CPVL: variants seen among roughly 807,000 people sequenced by gnomAD.
CPVL encodes carboxypeptidase vitellogenic like.
A neutral mutation model predicts 63.7 loss-of-function variants in CPVL; 51 were observed. The observed-to-expected ratio is 0.80, with a 90% confidence interval of 0.64 to 1.01. The LOEUF (loss-of-function observed/expected upper bound fraction) is 1.01. Ranked by LOEUF, CPVL falls within the 50% of genes least tolerant of loss-of-function variation. CPVL has a pLI of 0.00. For synonymous variants in CPVL, 195 were observed against 206.0 expected (o/e 0.95, Z 0.46); for missense variants, 530 against 573.1 (o/e 0.92, Z 0.77).
intron 3 of CPVL, among the ~76,000 whole-genome samples, chr7:29,105,454 C>G (rs1787630348): frequency 6.6e-6 from 1 of 152,146 alleles, no homozygotes; most frequent in Non-Finnish European, 1.5e-5. Flanking sequence ...ATGAGGGAAT[C>G]CTGTGGTCTC....
intron 1 of CPVL, among the ~76,000 whole-genome samples, chr7:29,142,618 C>T (rs879725107): frequency 2.0e-5 from 3 of 150,354 alleles, no homozygotes; most frequent in South Asian, 2.1e-4. Context: ...CCTCTGCTGC[C>T]GGGTTGCAGC....
intron 6 of CPVL, among the ~76,000 whole-genome samples, chr7:29,089,764 C>T (rs571571322): frequency 2.2e-4 from 34 of 152,236 alleles, no homozygotes; most frequent in African/African-American, 7.0e-4. Context: ...AGCTGCTACT[C>T]GGACTAGGCA....
intron 11 of CPVL, among the ~76,000 whole-genome samples, chr7:29,043,147 G>A (rs1462636616): frequency 6.6e-6 from 1 of 152,030 alleles, no homozygotes; most frequent in Non-Finnish European, 1.5e-5. Flanking sequence ...CCCCTCCCTG[G>A]TAGATAGCAA....
At chr7:29,173,864 A>C (rs752865630) in intron 5 of CPVL, among the ~76,000 whole-genome samples, 2 of 151,408 alleles carry the variant, frequency 1.3e-5, no homozygotes, top group Non-Finnish European at 2.9e-5. Context: ...AGGCACTAGA[A>C]TTACTTGGAC....
At chr7:29,190,539 CCAT>C (rs1782757013) in intron 1 of CPVL, among the ~76,000 whole-genome samples, 3 of 152,130 alleles carry the variant, frequency 2.0e-5, no homozygotes, top group African/African-American at 7.2e-5. Context: ...AATTACACCA[CCAT>C]AAGAGCTACC....
At position 29,120,884 on chromosome 7, in the gene CPVL, C is replaced by G; in HGVS notation, c.169+9G>C. ...CCAGTGGTTTTCTGATTTAATTAAA[C>G]TTACTTACCTTTTTGGATCTTCCCA... On this transcript the variant is annotated intron_variant, in intron 2 of 12. Coordinates refer to ENST00000265394, the MANE Select transcript of CPVL (RefSeq NM_031311.5). 1.3e-6 allele frequency: 2 copies of G among 1,489,766 alleles called. No homozygotes were observed. Among genetic ancestry groups the G allele is most frequent in the African/African-American group, 1.4e-5 (1 of 70,546 alleles). 92.3% of individuals were successfully genotyped at this position (1,489,766 alleles called of 1,614,324 possible).
intron 1 of CPVL, among the ~76,000 whole-genome samples, chr7:29,128,558 A>G (rs1790322208): frequency 6.6e-6 from 1 of 151,978 alleles, no homozygotes; most frequent in Non-Finnish European, 1.5e-5. Flanking sequence ...TCTATTAAAA[A>G]TACAAAAATT....
At chr7:29,156,707 C>A (rs774949558) in intron 5 of CPVL, among the ~76,000 whole-genome samples, 1 of 152,062 alleles carries the variant, frequency 6.6e-6, no homozygotes, top group Non-Finnish European at 1.5e-5. Flanking sequence ...AGTATGAAAG[C>A]GACTATGTAT....
At chr7:29,101,700 A>T (rs910850748) in intron 3 of CPVL, among the ~76,000 whole-genome samples, 5 of 152,132 alleles carry the variant, frequency 3.3e-5, no homozygotes, top group African/African-American at 9.7e-5. Context: ...GGTATTTTTA[A>T]CAGCCCCTCT....
intron 3 of CPVL, among the ~76,000 whole-genome samples, chr7:29,098,578 C>T (rs1396726435): frequency 6.6e-6 from 1 of 152,096 alleles, no homozygotes; most frequent in Non-Finnish European, 1.5e-5. Flanking sequence ...TGGTAGAAGC[C>T]AAGAGTCCGA....
intron 5 of CPVL, among the ~76,000 whole-genome samples, chr7:29,152,048 G>T (rs1793667338): frequency 2.0e-5 from 3 of 152,122 alleles, no homozygotes; most frequent in South Asian, 4.1e-4. Flanking sequence ...CAGGTGCTCT[G>T]CTTACTCATA....
intron 4 of CPVL, among the ~76,000 whole-genome samples, chr7:29,183,426 G>T (rs936452209): frequency 6.6e-6 from 1 of 151,452 alleles, no homozygotes; most frequent in African/African-American, 2.4e-5. Flanking sequence ...GCCCAGGCTG[G>T]AGTGAGGTGG....
At chr7:29,177,554 C>T (rs1797517662) in intron 5 of CPVL, among the ~76,000 whole-genome samples, 1 of 148,304 alleles carries the variant, frequency 6.7e-6, no homozygotes, top group South Asian at 2.1e-4. Flanking sequence ...GTGCCTGGCC[C>T]CCTCACTTTT....
downstream of CPVL, among the ~76,000 whole-genome samples, chr7:28,994,739 A>C (rs1409124176): frequency 1.3e-5 from 2 of 152,218 alleles, no homozygotes; most frequent in Non-Finnish European, 2.9e-5. Flanking sequence ...CAACATGAGA[A>C]ATTAAAAGAA....
chr7:29,168,822 CTAAG>C (rs1435045287), intron 5 of CPVL, among the ~76,000 whole-genome samples: 2 of 152,320 alleles, frequency 1.3e-5, no homozygotes, highest in East Asian at 3.9e-4. Context: ...ACATGTACTA[CTAAG>C]TATGTATTAT....
chr7:29,070,022 G>A (rs1367863687), intron 9 of CPVL, among the ~76,000 whole-genome samples: 2 of 152,126 alleles, frequency 1.3e-5, no homozygotes, highest in East Asian at 1.9e-4. Flanking sequence ...TGCAGTCACT[G>A]AAACACATTT....
chr7:29,130,953 T>C (rs1562784840), intron 1 of CPVL, among the ~76,000 whole-genome samples: 1 of 152,196 alleles, frequency 6.6e-6, no homozygotes, highest in Admixed American at 6.5e-5. Context: ...CTTTTTGGGG[T>C]AAGTGAAGCT....
intron 5 of CPVL, among the ~76,000 whole-genome samples, chr7:29,166,225 G>C (rs1795903899): frequency 6.6e-6 from 1 of 151,920 alleles, no homozygotes; most frequent in African/African-American, 2.4e-5. Flanking sequence ...GTAGAGGTGG[G>C]GTCTCACTAT....
At chr7:29,133,629 T>C (rs1790913542) in intron 1 of CPVL, among the ~76,000 whole-genome samples, 1 of 152,236 alleles carries the variant, frequency 6.6e-6, no homozygotes, top group Non-Finnish European at 1.5e-5. Flanking sequence ...CATTTAATCC[T>C]GCTGAAACGT....
Sources: gnomAD v4.1 joint callset for allele counts (sites outside exome capture counted in the v4.1 genomes callset) on GRCh38, gnomAD v4.1.1 for gene constraint, MANE v1.5 for transcripts, NCBI Gene and HGNC (gene_info 2026-07-23, HGNC 2026-07-21) for gene names.